PKHD1: variants seen among roughly 807,000 people sequenced by gnomAD.
PKHD1 encodes the protein PKHD1 ciliary IPT domain containing fibrocystin/polyductin.
PKHD1 carries 291 observed loss-of-function variants against 412.0 expected under a neutral mutation model. The ratio of observed to expected loss-of-function variants is 0.71; its 90% confidence interval spans 0.64 to 0.78. The LOEUF is 0.78. Ranked by LOEUF, PKHD1 falls within the 30% of genes least tolerant of loss-of-function variation. PKHD1 has a pLI of 0.00. For synonymous variants in PKHD1, 1,777 were observed against 1,821.5 expected, an observed-to-expected ratio of 0.98 and a Z score of 0.62; for missense variants, 4,825 against 4,950.7, an observed-to-expected ratio of 0.97 and a Z score of 0.76.
At chr6:52,001,103 A>G (rs1798324584) in intron 35 of PKHD1, among the ~76,000 whole-genome samples, 1 of 152,204 alleles carries the variant, frequency 6.6e-6, no homozygotes, top group African/African-American at 2.4e-5. Context: ...TTTAACATTG[A>G]ATACAGAAAC....
intron 45 of PKHD1, among the ~76,000 whole-genome samples, chr6:51,885,473 A>G (rs1778061975): frequency 1.3e-5 from 2 of 152,198 alleles, no homozygotes; most frequent in East Asian, 1.9e-4. Context: ...TGGTTGTACT[A>G]CTAACCAATT....
rs146425833 is a variant in PKHD1 at position 52,025,277 on chromosome 6, G to C, written c.4533C>G (p.Thr1511=). ...CAAATACCATCGGCTCATCAGCTGT[G>C]GTGGCTAACCTCTGACCCCTAATCA... ...TVLIRGQRLA[T]TADEPMVFVD... The change falls in exon 32 of 67, where the codon ACC becomes ACG. Residue 1511 remains threonine, a synonymous_variant. Coordinates refer to ENST00000371117, the MANE Select transcript of PKHD1 (RefSeq NM_138694.4). 3 of 1,613,952 alleles carry C rather than the reference G, an allele frequency of 1.9e-6. No homozygotes were observed. The highest frequency in any genetic ancestry group is 2.5e-6 in the Non-Finnish European group (3 of 1,179,998).
At chr6:51,825,633 T>G (rs1410038473) in intron 52 of PKHD1, among the ~76,000 whole-genome samples, 1 of 152,060 alleles carries the variant, frequency 6.6e-6, no homozygotes, top group African/African-American at 2.4e-5. Flanking sequence ...CTAACTATAA[T>G]GCATGGAAGA....
chr6:51,766,461 A>G (rs1789028019), intron 55 of PKHD1, among the ~76,000 whole-genome samples: 1 of 152,134 alleles, frequency 6.6e-6, no homozygotes, highest in Non-Finnish European at 1.5e-5. Flanking sequence ...CATCTTTGCC[A>G]AATTAAAATT....
At chr6:51,888,292 T>C (rs1778523280) in intron 43 of PKHD1, among the ~76,000 whole-genome samples, 1 of 152,218 alleles carries the variant, frequency 6.6e-6, no homozygotes, top group African/African-American at 2.4e-5. Context: ...GACTTCTCTC[T>C]CTTGGACCAT....
chr6:51,798,352 T>TG (rs1435897791), intron 52 of PKHD1, among the ~76,000 whole-genome samples: 12 of 150,432 alleles, frequency 8.0e-5, no homozygotes, highest in Admixed American at 7.4e-4. Flanking sequence ...TACTCCAGCC[T>TG]GGGGTACAGA....
chr6:51,808,472 G>T (rs1562359302), intron 52 of PKHD1, among the ~76,000 whole-genome samples: 1 of 151,786 alleles, frequency 6.6e-6, no homozygotes, highest in African/African-American at 2.4e-5. Context: ...GTAGAGACTA[G>T]TCATAATTTT....
chr6:52,003,340 T>G (rs1562105436), intron 35 of PKHD1, among the ~76,000 whole-genome samples: 3 of 152,152 alleles, frequency 2.0e-5, no homozygotes, highest in Admixed American at 2.0e-4. Flanking sequence ...GTAACACACT[T>G]AAAGACCACA....
chr6:51,940,912 T>C (rs1788402296), intron 36 of PKHD1, among the ~76,000 whole-genome samples: 1 of 151,522 alleles, frequency 6.6e-6, no homozygotes, highest in African/African-American at 2.4e-5. Flanking sequence ...CCTTTTTAGT[T>C]ATCCCCACCT....
At chr6:51,969,256 T>C (rs181840751) in intron 35 of PKHD1, among the ~76,000 whole-genome samples, 1 of 152,256 alleles carries the variant, frequency 6.6e-6, no homozygotes, top group Non-Finnish European at 1.5e-5. Flanking sequence ...AAATCCTATA[T>C]TCACAATGAA....
rs1458193567 is a variant in PKHD1, at chr6:52,055,494, A to C, written c.1836+93T>G. On this transcript the variant is annotated intron_variant, in intron 19 of 66. Transcript: ENST00000371117. ...ACACCTTGGGCAGATCACAGCAATC[A>C]CTCCTTTGTGCTTCTGAGTTTTCAG... 6 of 1,405,514 alleles carry C rather than the reference A, an allele frequency of 4.3e-6. No individual in the cohort carries two copies. The South Asian group carries it at 7.0e-5, about 16-fold the overall frequency. The allele number at this position is 1,405,514 out of a possible 1,614,324, so 87.1% of individuals were successfully genotyped here.
chr6:52,008,916 C>G (rs1386632752), intron 35 of PKHD1, among the ~76,000 whole-genome samples: 1 of 152,164 alleles, frequency 6.6e-6, no homozygotes, highest in Non-Finnish European at 1.5e-5. Context: ...CTTTCACAAG[C>G]ATTTGCACAT....
chr6:51,858,243 G>T (rs1773610865), intron 48 of PKHD1, among the ~76,000 whole-genome samples: 1 of 152,044 alleles, frequency 6.6e-6, no homozygotes, highest in Admixed American at 6.6e-5. Flanking sequence ...GTAATCTTTA[G>T]AAAAGCTTTA....
intron 21 of PKHD1, among the ~76,000 whole-genome samples, chr6:52,051,279 A>G (rs1806807717): frequency 6.6e-6 from 1 of 152,230 alleles, no homozygotes; most frequent in Admixed American, 6.5e-5. Context: ...CTGAGAACTA[A>G]ACGAGAAATA....
intron 64 of PKHD1, among the ~76,000 whole-genome samples, chr6:51,636,769 C>T (rs137989897): frequency 6.6e-5 from 10 of 152,288 alleles, no homozygotes; most frequent in African/African-American, 2.2e-4. Flanking sequence ...ACTCTCTGGA[C>T]GTGTACCGTT....
chr6:52,055,615 T>G lies in PKHD1; in HGVS notation c.1808A>C (p.Lys603Thr). ...HLVLTPPAAQ[K>T]GYRLDQYTHL... ...TGTATACTGATCTAGCCGATAGCCCTTCTGGGCAGCCGGGGGAGTAAGGAC... is the reference window on the plus strand; with the variant it reads ...TGTATACTGATCTAGCCGATAGCCCGTCTGGGCAGCCGGGGGAGTAAGGAC... Residue 603 changes from lysine to threonine, a missense_variant, in exon 19 of 67, where the codon AAG (lysine) becomes ACG (threonine). Transcript: ENST00000371117. 1 of 1,613,988 alleles carries G rather than the reference T, an allele frequency of 6.2e-7. No homozygotes were observed. The highest frequency in any genetic ancestry group is 8.5e-7 in the Non-Finnish European group (1 of 1,179,906).
intron 35 of PKHD1, among the ~76,000 whole-genome samples, chr6:51,985,536 C>A (rs1796095115): frequency 6.6e-6 from 1 of 152,164 alleles, no homozygotes. Flanking sequence ...CGAGACCCAC[C>A]TGGCCAACGT....
chr6:51,943,720 C>A (rs1788966380), intron 36 of PKHD1, among the ~76,000 whole-genome samples: 1 of 151,492 alleles, frequency 6.6e-6, no homozygotes, highest in African/African-American at 2.4e-5. Context: ...TCAATTCATA[C>A]AAAACCATAT....
Position 51,826,563 on chromosome 6 carries a change from C to A in PKHD1, c.8302+4298G>T, listed in dbSNP as rs138513769. ...ATTCTTTATGAAGGTTTGAGATTTG[C>A]GTAGTAAGGCAGAACTTGTTCCTAC... On this transcript the variant is annotated intron_variant, in intron 52 of 66. Transcript: ENST00000371117. Among the ~76,000 whole-genome samples the A allele has an allele frequency of 4.6e-5, 7 of 152,234 alleles. No individual in the cohort carries two copies. In the East Asian group the frequency reaches 7.7e-4, roughly 17 times the overall value.
Sources: gnomAD v4.1 joint callset for allele counts (sites outside exome capture counted in the v4.1 genomes callset) on GRCh38, gnomAD v4.1.1 for gene constraint, MANE v1.5 for transcripts, NCBI Gene and HGNC (gene_info 2026-07-23, HGNC 2026-07-21) for gene names.